Variants in TSPAN5 observed in about 807,000 individuals in gnomAD.
TSPAN5 encodes tetraspanin-5.
A neutral mutation model predicts 37.1 loss-of-function variants in TSPAN5; 10 were observed. That is an observed-to-expected ratio of 0.27 (90% CI 0.17 to 0.46). TSPAN5 has a LOEUF of 0.46. Ranked by LOEUF, TSPAN5 falls within the 20% of genes least tolerant of loss-of-function variation. TSPAN5 has a pLI of 1.00. For synonymous variants in TSPAN5, 110 were observed against 118.9 expected (o/e 0.93, Z 0.48); for missense variants, 195 against 326.6 (o/e 0.60, Z 3.11).
At chr4:98,612,082 C>G (rs1756209880) in intron 1 of TSPAN5, among the ~76,000 whole-genome samples, 1 of 152,234 alleles carries the variant, frequency 6.6e-6, no homozygotes, top group Admixed American at 6.5e-5. Flanking sequence ...ACACTGTCAC[C>G]TGTCAGTAAA....
chr4:98,631,804 G>A (rs185727019), intron 1 of TSPAN5, among the ~76,000 whole-genome samples: 83 of 152,314 alleles, frequency 5.4e-4, no homozygotes, highest in Admixed American at 1.0e-3. Flanking sequence ...AGGCAGACGA[G>A]CATCTGCTCC....
At chr4:98,511,894 C>A (rs1753613586) in intron 1 of TSPAN5, among the ~76,000 whole-genome samples, 1 of 152,084 alleles carries the variant, frequency 6.6e-6, no homozygotes, top group Non-Finnish European at 1.5e-5. Flanking sequence ...TTTTAATCCC[C>A]ATTTTATAGA....
chr4:98,596,612 G>C (rs1303288949), intron 1 of TSPAN5, among the ~76,000 whole-genome samples: 2 of 82,742 alleles, frequency 2.4e-5, no homozygotes, highest in East Asian at 4.1e-4. Flanking sequence ...TCCTTCAGGA[G>C]CTCTTTTAGG....
chr4:98,604,234 T>C (rs746171509), intron 1 of TSPAN5, among the ~76,000 whole-genome samples: 1 of 152,168 alleles, frequency 6.6e-6, no homozygotes, highest in Non-Finnish European at 1.5e-5. Context: ...ACTTTCCCCA[T>C]CACCAATCAC....
At chr4:98,578,964 C>T (rs1755307610) in intron 1 of TSPAN5, among the ~76,000 whole-genome samples, 1 of 152,096 alleles carries the variant, frequency 6.6e-6, no homozygotes, top group Non-Finnish European at 1.5e-5. Context: ...CCTTTGTATG[C>T]CCCACACCCT....
At chr4:98,532,463 G>T (rs1023683819) in intron 1 of TSPAN5, among the ~76,000 whole-genome samples, 16 of 152,172 alleles carry the variant, frequency 1.1e-4, no homozygotes, top group Non-Finnish European at 1.6e-4. Context: ...TTGTGAATGG[G>T]AGTTCACTCA....
chr4:98,612,507 C>G (rs1338260144), intron 1 of TSPAN5, among the ~76,000 whole-genome samples: 1 of 152,212 alleles, frequency 6.6e-6, no homozygotes, highest in Non-Finnish European at 1.5e-5. Context: ...CAACACAAAG[C>G]CATCAGACAC....
chr4:98,532,040 T>C (rs1040682935), intron 1 of TSPAN5, among the ~76,000 whole-genome samples: 4 of 152,252 alleles, frequency 2.6e-5, no homozygotes, highest in Non-Finnish European at 4.4e-5. Flanking sequence ...TTTCTTTCGC[T>C]GTGCAGAAGC....
intron 1 of TSPAN5, among the ~76,000 whole-genome samples, chr4:98,641,098 A>G (rs1018916548): frequency 5.9e-5 from 9 of 152,222 alleles, no homozygotes; most frequent in African/African-American, 2.2e-4. Flanking sequence ...TCTGCCTAGC[A>G]TTGGGAAGAG....
intron 1 of TSPAN5, among the ~76,000 whole-genome samples, chr4:98,553,719 G>A (rs1754671437): frequency 6.6e-6 from 1 of 152,092 alleles, no homozygotes; most frequent in African/African-American, 2.4e-5. Flanking sequence ...GCAAGACCAT[G>A]CAAAACCAAA....
chr4:98,618,568 T>C (rs1756401089), intron 1 of TSPAN5, among the ~76,000 whole-genome samples: 1 of 105,080 alleles, frequency 9.5e-6, no homozygotes, highest in African/African-American at 4.9e-5. Context: ...ACCTCTGTTA[T>C]TACCTCCTCC....
chr4:98,619,380 C>T (rs1283991979), intron 1 of TSPAN5, among the ~76,000 whole-genome samples: 1 of 152,198 alleles, frequency 6.6e-6, no homozygotes, highest in Non-Finnish European at 1.5e-5. Context: ...GAGCATGAAA[C>T]AATAAACCTA....
At chr4:98,558,277 A>G (rs1242258965) in intron 1 of TSPAN5, among the ~76,000 whole-genome samples, 1 of 152,200 alleles carries the variant, frequency 6.6e-6, no homozygotes, top group Non-Finnish European at 1.5e-5. Flanking sequence ...TTTCTAACAT[A>G]AGGTGTTAGT....
At chr4:98,654,346 T>TCCAGAATCCAAAACAGTTAAAAG (rs370065488) in intron 1 of TSPAN5, among the ~76,000 whole-genome samples, 3 of 152,308 alleles carry the variant, frequency 2.0e-5, no homozygotes, top group East Asian at 1.9e-4. Flanking sequence ...CAGTTAAGTA[T>TCCAGAATCCAAAACAGTTAAAAG]CCAGAATCCA....
intron 1 of TSPAN5, among the ~76,000 whole-genome samples, chr4:98,535,984 G>C (rs1024005069): frequency 6.6e-6 from 1 of 152,026 alleles, no homozygotes; most frequent in Non-Finnish European, 1.5e-5. Context: ...GAGCATGCTC[G>C]TTTAGCTCAA....
At chr4:98,638,268 T>C (rs1159326187) in intron 1 of TSPAN5, among the ~76,000 whole-genome samples, 3 of 152,176 alleles carry the variant, frequency 2.0e-5, no homozygotes, top group Admixed American at 2.0e-4. Flanking sequence ...GGTACAACAA[T>C]GTCAGTAAAG....
chr4:98,608,010 C>A (rs1274231740), intron 1 of TSPAN5, among the ~76,000 whole-genome samples: 5 of 152,116 alleles, frequency 3.3e-5, no homozygotes, highest in African/African-American at 1.2e-4. Context: ...TGCGCCGGGC[C>A]ATGAAATTTA....
Position 98,621,797 on chromosome 4 carries a change from G to A in TSPAN5, c.81+36349C>T, listed in dbSNP as rs145464051. On this transcript the variant is annotated intron_variant, in intron 1 of 7. Transcript: ENST00000305798. ...AGGAGACCTCATTCCCACCCCCCCC[G>A]CAGCCCCTGGCAACCATTAATCTGC... Among the ~76,000 whole-genome samples, 308 of 106,194 alleles carry A rather than the reference G, an allele frequency of 2.9e-3. 1 individual carries two copies. The highest frequency in any genetic ancestry group is 9.8e-3 in the African/African-American group (296 of 30,230). The allele number at this position is 106,194 out of a possible 152,430, so 69.7% of individuals were successfully genotyped here. A position where few individuals can be genotyped will look rare whatever the true frequency, so the allele number is the denominator to read the frequency against.
chr4:98,472,292 C>A lies in TSPAN5; in HGVS notation c.*230G>T. 2.4e-6 allele frequency: 1 copy of A among 421,874 alleles called. No homozygotes were observed. Among genetic ancestry groups the A allele is most frequent in the Non-Finnish European group, 4.2e-6 (1 of 238,848 alleles). The allele number at this position is 421,874 out of a possible 1,614,324, so 26.1% of individuals were successfully genotyped here. On this transcript the variant is annotated 3_prime_UTR_variant, in exon 8 of 8. Coordinates refer to ENST00000305798, the MANE Select transcript of TSPAN5 (RefSeq NM_005723.4). ...CATCTAACTGTCCATAAATTCATGG[C>A]TACAGTAGAGATTCACGGCGCAACG...
Sources: gnomAD v4.1 joint callset for allele counts (sites outside exome capture counted in the v4.1 genomes callset) on GRCh38, gnomAD v4.1.1 for gene constraint, MANE v1.5 for transcripts, NCBI Gene and HGNC (gene_info 2026-07-23, HGNC 2026-07-21) for gene names.